Variants in KCNN2 observed in about 807,000 individuals in gnomAD.
KCNN2 encodes potassium calcium-activated channel subfamily N member 2.
In KCNN2, 24 loss-of-function variants were observed where a neutral mutation model predicts 55.5. The ratio of observed to expected loss-of-function variants is 0.43; its 90% CI spans 0.31 to 0.61. KCNN2 has a LOEUF of 0.61. Ranked by LOEUF, KCNN2 falls within the 20% of genes least tolerant of loss-of-function variation. The pLI, the probability that KCNN2 is intolerant of heterozygous loss-of-function variation, is 0.08. For synonymous variants in KCNN2, 431 were observed against 336.1 expected (o/e 1.28, Z -3.09); for missense variants, 754 against 853.6 (o/e 0.88, Z 1.45).
At chr5:114,165,046 CAAGT>C (rs909695747) in intron 1 of KCNN2, among the ~76,000 whole-genome samples, 11 of 152,180 alleles carry the variant, frequency 7.2e-5, no homozygotes, top group African/African-American at 2.7e-4. Flanking sequence ...ACACAGCAAG[CAAGT>C]GTTAAAGGTC....
At chr5:114,439,762 A>G (rs533299342) in intron 3 of KCNN2, among the ~76,000 whole-genome samples, 121 of 152,316 alleles carry the variant, frequency 7.9e-4, no homozygotes, top group African/African-American at 2.5e-3. Flanking sequence ...CTCCCACCAC[A>G]GAAAGAAAGC....
intron 1 of KCNN2, among the ~76,000 whole-genome samples, chr5:114,082,524 G>A (rs151106981): frequency 6.6e-6 from 1 of 152,122 alleles, no homozygotes; most frequent in African/African-American, 2.4e-5. Context: ...GTGGAAAATA[G>A]TATGGAAGTT....
At chr5:114,181,517 C>T (rs1753240109) in intron 1 of KCNN2, among the ~76,000 whole-genome samples, 1 of 151,938 alleles carries the variant, frequency 6.6e-6, no homozygotes, top group African/African-American at 2.4e-5. Flanking sequence ...ATTAATTTCT[C>T]CTTGTATTGA....
At chr5:114,410,335 A>G (rs1248962894) in intron 3 of KCNN2, among the ~76,000 whole-genome samples, 1 of 152,158 alleles carries the variant, frequency 6.6e-6, no homozygotes, top group African/African-American at 2.4e-5. Flanking sequence ...TCTGAGCAAG[A>G]ATAGTAGCTA....
intron 2 of KCNN2, among the ~76,000 whole-genome samples, chr5:114,324,933 A>G (rs965438346): frequency 1.3e-5 from 2 of 152,244 alleles, no homozygotes; most frequent in Non-Finnish European, 2.9e-5. Context: ...CTTAGAGAAT[A>G]CATAAGTCAT....
intron 1 of KCNN2, among the ~76,000 whole-genome samples, chr5:114,209,359 C>A (rs1207347136): frequency 6.6e-6 from 1 of 151,944 alleles, no homozygotes; most frequent in Non-Finnish European, 1.5e-5. Context: ...CTTTAAATTC[C>A]ATTTCCTTTT....
intron 1 of KCNN2, among the ~76,000 whole-genome samples, chr5:114,073,292 T>C (rs1444013638): frequency 6.6e-6 from 1 of 152,232 alleles, no homozygotes; most frequent in African/African-American, 2.4e-5. Context: ...AATAGCTTGA[T>C]TGCATTGTTC....
intron 1 of KCNN2, among the ~76,000 whole-genome samples, chr5:114,097,309 C>G (rs1327553728): frequency 6.6e-6 from 1 of 152,140 alleles, no homozygotes; most frequent in Non-Finnish European, 1.5e-5. Flanking sequence ...GGATTACAAA[C>G]CCTCTGATCT....
chr5:114,288,097 A>G (rs1027258610), intron 2 of KCNN2, among the ~76,000 whole-genome samples: 1 of 152,170 alleles, frequency 6.6e-6, no homozygotes, highest in East Asian at 1.9e-4. Context: ...ATGTTATACA[A>G]CGTGTGCTCT....
chr5:114,080,122 A>G (rs1750777353), intron 1 of KCNN2, among the ~76,000 whole-genome samples: 1 of 152,064 alleles, frequency 6.6e-6, no homozygotes, highest in Non-Finnish European at 1.5e-5. Flanking sequence ...TTGGGCAGAA[A>G]ATGACTGGTG....
intron 3 of KCNN2, among the ~76,000 whole-genome samples, chr5:114,447,148 C>T (rs1760445722): frequency 6.6e-6 from 1 of 152,112 alleles, no homozygotes; most frequent in African/African-American, 2.4e-5. Flanking sequence ...TATAAGCTTC[C>T]TCAAAGCCTA....
chr5:114,487,285 T>C, intron 6 of KCNN2, 108 bp downstream of exon 6: 3 of 990,010 alleles, frequency 3.0e-6, no homozygotes, highest in Non-Finnish European at 4.6e-6. Flanking sequence ...CATTGTCATG[T>C]TTATTCCCAG....
intron 2 of KCNN2, among the ~76,000 whole-genome samples, chr5:114,245,948 C>G (rs1413023072): frequency 6.6e-6 from 1 of 152,066 alleles, no homozygotes; most frequent in Non-Finnish European, 1.5e-5. Context: ...ACACAGAAGG[C>G]CAGATATATT....
At chr5:114,162,323 G>A (rs368099569) in intron 1 of KCNN2, among the ~76,000 whole-genome samples, 11 of 151,996 alleles carry the variant, frequency 7.2e-5, no homozygotes, top group African/African-American at 1.5e-4. Context: ...AGCGGATATC[G>A]GTGAACCGCA....
intron 1 of KCNN2, among the ~76,000 whole-genome samples, chr5:114,123,615 G>T (rs537970967): frequency 3.1e-5 from 2 of 63,754 alleles, no homozygotes; most frequent in South Asian, 6.8e-4. Flanking sequence ...CGCCCGCCTC[G>T]GCCTCCCAAA....
chr5:114,101,136 A>T (rs946105208), intron 1 of KCNN2, among the ~76,000 whole-genome samples: 15 of 151,994 alleles, frequency 9.9e-5, no homozygotes, highest in Admixed American at 9.2e-4. Context: ...GTACATGTTT[A>T]CATTTTTTGG....
chr5:114,467,285 C>T (rs1761497047), intron 4 of KCNN2, among the ~76,000 whole-genome samples: 1 of 152,186 alleles, frequency 6.6e-6, no homozygotes, highest in Non-Finnish European at 1.5e-5. Context: ...TACTCCTCTT[C>T]CTGTAACACT....
chr5:114,140,063 A>C (rs1752246233), intron 1 of KCNN2, among the ~76,000 whole-genome samples: 1 of 152,152 alleles, frequency 6.6e-6, no homozygotes, highest in Non-Finnish European at 1.5e-5. Flanking sequence ...TATTTTTTAT[A>C]TAAATATGTA....
intron 1 of KCNN2, among the ~76,000 whole-genome samples, chr5:114,156,032 TA>T (rs1369001899): frequency 6.6e-6 from 1 of 152,218 alleles, no homozygotes; most frequent in East Asian, 1.9e-4. Context: ...TTTAAGTCTT[TA>T]ATCTATCTTG....
Sources: gnomAD v4.1 joint callset for allele counts (sites outside exome capture counted in the v4.1 genomes callset) on GRCh38, gnomAD v4.1.1 for gene constraint, MANE v1.5 for transcripts, NCBI Gene and HGNC (gene_info 2026-07-23, HGNC 2026-07-21) for gene names.